Variants in ZNF775 observed in about 807,000 individuals in gnomAD.
ZNF775 encodes the protein zinc finger protein 775.
A neutral mutation model predicts 2.4 loss-of-function variants in ZNF775; 1 was observed. The ratio of observed to expected loss-of-function variants is 0.41; its 90% CI spans 0.15 to 1.94. The LOEUF is 1.94. Among genes scored for constraint, ZNF775 ranks in the 30% most tolerant of loss-of-function variants. The probability of loss-of-function intolerance (pLI) is 0.30; values close to 1 mark genes in which losing one functional copy is unlikely to be tolerated. For missense variants in ZNF775, 823 were observed against 826.6 expected (o/e 1.00, Z 0.05); for synonymous variants, 381 against 373.3 (o/e 1.02, Z -0.24).
chr7:150,390,342 C>T (rs914420288), intron 2 of ZNF775, among the ~76,000 whole-genome samples: 7 of 152,280 alleles, frequency 4.6e-5, no homozygotes, highest in South Asian at 2.1e-4. Context: ...AGGGGCCCTT[C>T]GGCAGGTGGA....
chr7:150,394,279 A>G (rs1268892510), intron 2 of ZNF775, among the ~76,000 whole-genome samples: 1 of 152,022 alleles, frequency 6.6e-6, no homozygotes, highest in Admixed American at 6.5e-5. Context: ...AGTTACTTGT[A>G]TTGCCATTTT....
At chr7:150,390,132 A>G (rs1430359502) in intron 2 of ZNF775, among the ~76,000 whole-genome samples, 1 of 152,116 alleles carries the variant, frequency 6.6e-6, no homozygotes, top group African/African-American at 2.4e-5. Context: ...GATCCTTTTC[A>G]TGATGACTGA....
In ZNF775 at chr7:150,397,922, CG is replaced by C; in HGVS notation, c.1442del (p.Arg481ProfsTer9). 1 of 1,601,930 alleles carries C rather than the reference CG, an allele frequency of 6.2e-7. No homozygotes were observed. The highest frequency in any genetic ancestry group is 8.5e-7 in the Non-Finnish European group (1 of 1,178,698). Reference sequence around the variant, plus strand: ...GCCCTACCCGTGCCCCGAGTGCGGCCGCCGCTTCAGCCAGAAGCCCAACCTG... The same window carrying C: ...GCCCTACCCGTGCCCCGAGTGCGGCCCCGCTTCAGCCAGAAGCCCAACCTG... ...ERPYPCPECGRRFSQKPNLTR... is the reference protein window; with the variant it reads ...ERPYPCPECGXRFSQKPNLTR... On this transcript the variant is annotated frameshift_variant, in exon 3 of 3. Coordinates refer to ENST00000329630, the MANE Select transcript of ZNF775 (RefSeq NM_173680.4). LOFTEE classifies it low-confidence loss of function (END_TRUNC).
At chr7:150,391,706 C>CTTTTCT (rs1554486684) in intron 2 of ZNF775, among the ~76,000 whole-genome samples, 1 of 73,596 alleles carries the variant, frequency 1.4e-5, no homozygotes, top group African/African-American at 5.4e-5. Context: ...TCCTTTCTTT[C>CTTTTCT]TTTTTTTTTT....
chr7:150,382,753 G>A lies in ZNF775; in HGVS notation c.-50+3361G>A. 6.6e-6 allele frequency: 1 copy of A among 152,636 alleles called. No individual in the cohort carries two copies. Among genetic ancestry groups the A allele is most frequent in the Non-Finnish European group, 1.5e-5 (1 of 68,258 alleles). The allele number at this position is 152,636 out of a possible 1,614,324, so 9.5% of individuals were successfully genotyped here. ...GTCTCTCCAGCCAGCTGCAGCTCCT[G>A]CTGACTTATCCCACCCCAGCGCAGG... On this transcript the variant is annotated intron_variant, in intron 1 of 2. Coordinates refer to ENST00000329630, the MANE Select transcript of ZNF775 (RefSeq NM_173680.4). This position sits in a 1 kb window ranked among gnomAD's most constrained non-coding sequence, Gnocchi z 4.6.
At position 150,382,030 on chromosome 7, in the gene ZNF775, G is replaced by A. The variant is rs1013383638; in HGVS notation, c.-50+2638G>A. On this transcript the variant is annotated intron_variant, in intron 1 of 2. Transcript: ENST00000329630. The surrounding 1 kb of genome is among the most constrained non-coding windows in gnomAD (Gnocchi z 4.6). ...GGTGTGGGGATGGAGGCCTCCAGGT[G>A]GGGGAGGGGATGCCCACCTGGTTTG... Among the ~76,000 whole-genome samples the A allele has an allele frequency of 6.6e-6, 1 of 151,988 alleles. No individual in the cohort carries two copies. The highest frequency in any genetic ancestry group is 2.4e-5 in the African/African-American group (1 of 41,344).
Position 150,397,833 on chromosome 7 carries a change from GC to G in ZNF775, c.1353del (p.Cys451TrpfsTer39). 6.2e-7 allele frequency: 1 copy of G among 1,600,444 alleles called. No individual in the cohort carries two copies. ...GEPRQFICNE[C>X]GKSFSWWSAL... ...CCGCGCCAGTTCATCTGCAACGAGT[GC>G]GGCAAGAGCTTCTCGTGGTGGTCGG... On this transcript the variant is annotated frameshift_variant, in exon 3 of 3. Coordinates refer to ENST00000329630, the MANE Select transcript of ZNF775 (RefSeq NM_173680.4). LOFTEE classifies it low-confidence loss of function (END_TRUNC).
At chr7:150,390,343 G>A (rs1251063878) in intron 2 of ZNF775, among the ~76,000 whole-genome samples, 3 of 152,158 alleles carry the variant, frequency 2.0e-5, no homozygotes, top group Admixed American at 6.5e-5. Flanking sequence ...GGGGCCCTTC[G>A]GCAGGTGGAT....
rs1800709707 is a variant in ZNF775 at position 150,397,884 on chromosome 7, A to G, written c.1403A>G (p.His468Arg). 1 of 1,603,164 alleles carries G rather than the reference A, an allele frequency of 6.2e-7. No homozygotes were observed. The highest frequency in any genetic ancestry group is 8.5e-7 in the Non-Finnish European group (1 of 1,178,546). ...GCGCTCACCATCCACCAGCGCATCC[A>G]CACGGGTGAGCGGCCCTACCCGTGC... ...WSALTIHQRI[H>R]TGERPYPCPE... The change falls in exon 3 of 3, where the codon CAC becomes CGC. Residue 468 changes from histidine (H) to arginine (R), a missense_variant. By Grantham distance (29) the His-to-Arg change is conservative (BLOSUM62 0). Transcript: ENST00000329630.
chr7:150,394,478 A>G (rs1800613379), intron 2 of ZNF775, among the ~76,000 whole-genome samples: 1 of 152,230 alleles, frequency 6.6e-6, no homozygotes, highest in African/African-American at 2.4e-5. Flanking sequence ...CCTCAAGGAC[A>G]GCCGGCTGAT....
Position 150,384,433 on chromosome 7 carries a change from G to A in ZNF775, c.-49-3989G>A, listed in dbSNP as rs111792645. ...CAGGATGGTAGGTTAGGAGGGGCCC[G>A]CCATGCACAGAGCAGAGTGAAAGGC... On this transcript the variant is annotated intron_variant, in intron 1 of 2. Transcript: ENST00000329630. This position sits in a 1 kb window ranked among gnomAD's most constrained non-coding sequence, Gnocchi z 4.1. Among the ~76,000 whole-genome samples, 3,932 of 152,298 alleles carry A rather than the reference G, an allele frequency of 0.026. 115 individuals carry two copies. Among genetic ancestry groups the A allele is most frequent in the South Asian group, 0.061 (295 of 4,820 alleles).
intron 2 of ZNF775, among the ~76,000 whole-genome samples, chr7:150,395,953 G>A (rs1394279534): frequency 6.6e-6 from 1 of 152,206 alleles, no homozygotes; most frequent in Non-Finnish European, 1.5e-5. Flanking sequence ...CTTGGAGCAG[G>A]AGCCCCGACA....
intron 1 of ZNF775, among the ~76,000 whole-genome samples, chr7:150,385,106 C>T (rs1312237782): frequency 6.6e-6 from 1 of 152,098 alleles, no homozygotes; most frequent in African/African-American, 2.4e-5. Flanking sequence ...CAGAGTGGCC[C>T]CAAGGGAGGA....
At chr7:150,383,209 A>T (rs1373716097) in intron 1 of ZNF775, among the ~76,000 whole-genome samples, 2 of 152,140 alleles carry the variant, frequency 1.3e-5, no homozygotes, top group East Asian at 3.8e-4. Context: ...CATATATTTA[A>T]ATTAAAAACA....
At chr7:150,381,635 C>G (rs1192283828) in intron 1 of ZNF775, among the ~76,000 whole-genome samples, 3 of 138,190 alleles carry the variant, frequency 2.2e-5, no homozygotes, top group African/African-American at 8.1e-5. Flanking sequence ...GGTGGGGAAA[C>G]TGAGGCCCAG....
intron 1 of ZNF775, among the ~76,000 whole-genome samples, chr7:150,380,554 G>C (rs1800343275): frequency 6.6e-6 from 1 of 152,180 alleles, no homozygotes; most frequent in Non-Finnish European, 1.5e-5. Flanking sequence ...CTGAGCAAGG[G>C]CCTTCCAAGG....
chr7:150,393,508 G>A (rs1023684344), intron 2 of ZNF775, among the ~76,000 whole-genome samples: 2 of 152,100 alleles, frequency 1.3e-5, no homozygotes, highest in Non-Finnish European at 2.9e-5. Context: ...GGATTGGATG[G>A]TAAGCCTGTA....
At chr7:150,392,742 T>C (rs1800581482) in intron 2 of ZNF775, among the ~76,000 whole-genome samples, 1 of 152,184 alleles carries the variant, frequency 6.6e-6, no homozygotes, top group African/African-American at 2.4e-5. Flanking sequence ...CTATGTTGCC[T>C]AGGCTGGTCT....
chr7:150,389,859 TTGTGTGTGTGTGTGTGTG>T (rs71196708), intron 2 of ZNF775, among the ~76,000 whole-genome samples: 1,564 of 138,844 alleles, frequency 0.011, 41 homozygotes, highest in Middle Eastern at 0.043. Context: ...TAATTTTTAT[TTGTGTGTGTGTGTGTGTG>T]TGTGTGTGTG....
Sources: allele counts gnomAD v4.1 joint callset (sites outside exome capture counted in the v4.1 genomes callset), GRCh38; gene constraint gnomAD v4.1.1; non-coding constraint Gnocchi (gnomAD v3.1); transcripts MANE v1.5; gene names NCBI Gene and HGNC (gene_info 2026-07-23, HGNC 2026-07-21).